The following NCALD variants were observed in gnomAD, a reference collection of about 807,000 sequenced individuals.
NCALD encodes neurocalcin delta.
Under a neutral mutation model 18.6 loss-of-function variants are expected in NCALD, and 10 were observed. The observed-to-expected ratio is 0.54, with a 90% CI of 0.33 to 0.91. The LOEUF (loss-of-function observed/expected upper bound fraction) is 0.91. NCALD is among the 40% of genes least tolerant of loss of function. NCALD has a pLI of 0.03. For synonymous variants in NCALD, 88 were observed against 87.4 expected (o/e 1.01, Z -0.04); for missense variants, 184 against 247.6 (o/e 0.74, Z 1.72).
chr8:101,692,279 G>A (rs922673780), intron 3 of NCALD: 14 of 985,230 alleles, frequency 1.4e-5, no homozygotes, highest in Admixed American at 1.2e-4. Flanking sequence ...CCACTACCCC[G>A]GGCACCCCAG....
In NCALD at chr8:102,043,723, G is replaced by A. The variant is rs533486275; in HGVS notation, c.-209-23434C>T. ...GAAGAGAAGGGGCAGGGGACAGGGA[G>A]GGGGAGGAGGAGGATGGGGAAAGGG... On this transcript the variant is annotated intron_variant, in intron 1 of 6. Coordinates refer to the NCALD transcript ENST00000311028. Among the ~76,000 whole-genome samples the A allele has an allele frequency of 2.8e-4, 42 of 150,320 alleles. 1 individual carries two copies. Among genetic ancestry groups the A allele is most frequent in the African/African-American group, 9.9e-4 (40 of 40,434 alleles).
At chr8:101,718,545 C>T (rs578038542) in intron 2 of NCALD, among the ~76,000 whole-genome samples, 3 of 152,278 alleles carry the variant, frequency 2.0e-5, no homozygotes, top group African/African-American at 7.2e-5. Context: ...TCCTCCCTGC[C>T]TCAGCGTCTG....
rs74361173 is a variant in NCALD at position 101,954,845 on chromosome 8, A to G, written c.-156-38987T>C. Among the ~76,000 whole-genome samples, 469 of 152,370 alleles carry G rather than the reference A, an allele frequency of 3.1e-3. 1 individual carries two copies. Among genetic ancestry groups the G allele is most frequent in the African/African-American group, 0.01 (433 of 41,594 alleles). On this transcript the variant is annotated intron_variant, in intron 2 of 6. Coordinates refer to the NCALD transcript ENST00000311028. ...TGCCATGCATGATTCTAGAATCATA[A>G]TATTTTCATGAACAAGTATTGCAGA...
intron 1 of NCALD, among the ~76,000 whole-genome samples, chr8:102,075,222 C>T (rs1487535168): frequency 6.6e-6 from 1 of 152,242 alleles, no homozygotes; most frequent in East Asian, 1.9e-4. Context: ...AAGTGCCACA[C>T]CAAGAAAAGT....
At chr8:101,804,602 ATAAT>A (rs1386286745) in intron 4 of NCALD, among the ~76,000 whole-genome samples, 9 of 131,542 alleles carry the variant, frequency 6.8e-5, no homozygotes, top group African/African-American at 2.7e-4. Context: ...TATAATTAAT[ATAAT>A]TAATTATATA....
At chr8:101,977,743 A>G (rs1431855453) in intron 2 of NCALD, among the ~76,000 whole-genome samples, 1 of 152,182 alleles carries the variant, frequency 6.6e-6, no homozygotes, top group Non-Finnish European at 1.5e-5. Context: ...ACCAGCACAG[A>G]CAGGTATCTG....
intron 1 of NCALD, among the ~76,000 whole-genome samples, chr8:102,119,404 T>C (rs974906836): frequency 1.3e-5 from 2 of 152,148 alleles, no homozygotes; most frequent in Non-Finnish European, 2.9e-5. Context: ...TGCCAGAGGT[T>C]GGAAGGGAGG....
intron 2 of NCALD, among the ~76,000 whole-genome samples, chr8:101,702,079 GC>G (rs1322297549): frequency 6.6e-6 from 1 of 152,010 alleles, no homozygotes; most frequent in African/African-American, 2.4e-5. Flanking sequence ...ACAAGCAGGA[GC>G]CCCACGCCTT....
chr8:101,810,709 TCTAAAAAAGCTTTCC>T (rs1813274281), intron 4 of NCALD, among the ~76,000 whole-genome samples: 1 of 152,122 alleles, frequency 6.6e-6, no homozygotes, highest in African/African-American at 2.4e-5. Flanking sequence ...TAGCATCTCT[TCTAAAAAAGCTTTCC>T]CTAAAAAAGC....
chr8:101,938,055 C>A (rs144245539), intron 2 of NCALD, among the ~76,000 whole-genome samples: 9 of 152,162 alleles, frequency 5.9e-5, no homozygotes, highest in Non-Finnish European at 1.3e-4. Flanking sequence ...AACCATGATG[C>A]GCCATGACTT....
chr8:101,979,278 G>A (rs963406910), intron 2 of NCALD, among the ~76,000 whole-genome samples: 1 of 123,778 alleles, frequency 8.1e-6, no homozygotes, highest in Non-Finnish European at 1.5e-5. Flanking sequence ...GGCTCATAAG[G>A]CCAGCCCTCA....
chr8:102,097,049 A>C (rs1445976540), intron 1 of NCALD, among the ~76,000 whole-genome samples: 2 of 152,198 alleles, frequency 1.3e-5, no homozygotes, highest in Non-Finnish European at 2.9e-5. Context: ...AACATAGTGG[A>C]TGACTTCTGG....
rs74692921 is a variant in NCALD, at chr8:102,019,761, C to T, written c.-157+476G>A. ...GTTTTATCTCAGCAATGCAAGGTAG[C>T]TTAACATTAGAAAATCCATTAATGT... On this transcript the variant is annotated intron_variant, in intron 2 of 6. Coordinates refer to the NCALD transcript ENST00000311028. Among the ~76,000 whole-genome samples the T allele has an allele frequency of 9.6e-3, 1,466 of 152,154 alleles. 51 individuals are homozygous for T. Among genetic ancestry groups the T allele is most frequent in the East Asian group, 0.095 (491 of 5,174 alleles).
rs551184572 is a variant in NCALD at position 101,990,366 on chromosome 8, A to G, written c.-157+29871T>C. On this transcript the variant is annotated intron_variant, in intron 2 of 6. Transcript: ENST00000311028. ...CTGAAGTCCTGATTAATTCAAAGCA[A>G]TCAGGTGGGAAAATGAAGAAATAGG... 2.0e-5 allele frequency among the ~76,000 whole-genome samples: 3 copies of G among 152,326 alleles called. No homozygotes were observed. In the South Asian group the frequency reaches 6.2e-4, roughly 32 times the overall value.
chr8:101,722,184 T>C (rs953759239), intron 1 of NCALD, among the ~76,000 whole-genome samples: 1 of 152,124 alleles, frequency 6.6e-6, no homozygotes, highest in Non-Finnish European at 1.5e-5. Context: ...AAAAGCAAAA[T>C]TCAACTGCAA....
At chr8:102,010,503 T>C (rs1213354367) in intron 2 of NCALD, among the ~76,000 whole-genome samples, 1 of 152,250 alleles carries the variant, frequency 6.6e-6, no homozygotes. Flanking sequence ...ATAAAAGTCT[T>C]TCATGAGGAT....
chr8:101,964,644 G>A (rs1376549917), intron 2 of NCALD, among the ~76,000 whole-genome samples: 2 of 152,132 alleles, frequency 1.3e-5, no homozygotes, highest in Admixed American at 6.5e-5. Context: ...GAAGGAAGAG[G>A]ATAGAAGTTT....
At chr8:101,698,103 A>G (rs553380181) in intron 2 of NCALD, among the ~76,000 whole-genome samples, 1 of 152,236 alleles carries the variant, frequency 6.6e-6, no homozygotes, top group African/African-American at 2.4e-5. Context: ...ATACAAAATC[A>G]ATGTGGAAAA....
rs562143817 is a variant in NCALD at position 101,999,940 on chromosome 8, T to C, written c.-157+20297A>G. 6.6e-5 allele frequency among the ~76,000 whole-genome samples: 10 copies of C among 152,280 alleles called. No homozygotes were observed. In the South Asian group the frequency reaches 2.1e-3, roughly 32 times the overall value. ...TGGCAGAATAGGAACAGCTCCAGTC[T>C]ACAGCTCCCTGCATGAGCGACGCAG... On this transcript the variant is annotated intron_variant, in intron 2 of 6. Coordinates refer to the NCALD transcript ENST00000311028.
Sources: gnomAD v4.1 joint callset for allele counts (sites outside exome capture counted in the v4.1 genomes callset) on GRCh38, gnomAD v4.1.1 for gene constraint, MANE v1.5 for transcripts, NCBI Gene and HGNC (gene_info 2026-07-23, HGNC 2026-07-21) for gene names.